Variants in PKD1L1 observed in about 807,000 individuals in gnomAD.
PKD1L1 encodes polycystin-1-like protein 1.
In PKD1L1, 236 loss-of-function variants were observed where a neutral mutation model predicts 323.4. That is an observed-to-expected ratio of 0.73 (90% CI 0.66 to 0.81). The LOEUF (loss-of-function observed/expected upper bound fraction) is 0.81. Among genes scored for constraint, PKD1L1 ranks in the 40% least tolerant of loss-of-function variants. The pLI is 0.00. For synonymous variants in PKD1L1, 1,344 were observed against 1,335.0 expected (o/e 1.01, Z -0.15); for missense variants, 3,320 against 3,508.0 (o/e 0.95, Z 1.35).
chr7:47,890,684 C>T lies in PKD1L1; in HGVS notation c.2533G>A (p.Ala845Thr), dbSNP rs779928757. ...DSSTAHQLDA[A>T]APTVSFEAQW... is the part of the protein sequence containing the mutation. ...GCCTCAAAGGAAACAGTGGGAGCCG[C>T]GGCATCCAGTTGGTGTGCAGTGGAG... The change falls in exon 16 of 57, where the codon GCG becomes ACG. Residue 845 changes from alanine to threonine, a missense_variant. Ala to Thr is a moderately conservative substitution (Grantham distance 58). Transcript: ENST00000289672. The T allele has an allele frequency of 8.7e-6, 14 of 1,613,812 alleles. No individual in the cohort carries two copies. The highest frequency in any genetic ancestry group is 3.3e-5 in the South Asian group (3 of 91,066).
chr7:47,815,548 C>T (rs995439710), intron 46 of PKD1L1, 91 bp from the exon 47 acceptor site: 16 of 1,440,666 alleles, frequency 1.1e-5, no homozygotes, highest in Non-Finnish European at 1.4e-5. Context: ...GCCAATTTTT[C>T]TCTCATTCAG....
At chr7:47,890,021 C>T (rs1017739829) in intron 16 of PKD1L1, among the ~76,000 whole-genome samples, 4 of 152,238 alleles carry the variant, frequency 2.6e-5, no homozygotes, top group South Asian at 2.1e-4. Flanking sequence ...CACCCACTGG[C>T]GCTGTTCTGG....
At chr7:47,815,523 A>G (rs1405072124) in intron 46 of PKD1L1, 66 bp from the exon 47 acceptor site, 5 of 1,547,092 alleles carry the variant, frequency 3.2e-6, no homozygotes, top group Non-Finnish European at 4.4e-6. Flanking sequence ...CGTGAGAACA[A>G]AAGCATGTTT....
chr7:47,790,055 A>AT (rs1452176306), intron 56 of PKD1L1, among the ~76,000 whole-genome samples: 1 of 151,476 alleles, frequency 6.6e-6, no homozygotes, highest in Admixed American at 6.6e-5. Flanking sequence ...CGCCCAGCTA[A>AT]TTTTTTTGTA....
At chr7:47,814,074 C>G in intron 47 of PKD1L1, 60 bp from the exon 48 acceptor site, 1 of 1,428,456 alleles carries the variant, frequency 7.0e-7, no homozygotes, top group African/African-American at 1.4e-5. Context: ...ACCTCCTCAT[C>G]AAGCGTGCTC....
chr7:47,890,537 G>C lies in PKD1L1; in HGVS notation c.2675+5C>G. On this transcript the variant is annotated splice_donor_5th_base_variant and intron_variant, in intron 16 of 56. Transcript: ENST00000289672. ...CTGAGCTGTGCTGAATACAGGGTCAGGTACCTGAACGCCGAGTCAGGGTAG... is the reference window on the plus strand; with the variant it reads ...CTGAGCTGTGCTGAATACAGGGTCACGTACCTGAACGCCGAGTCAGGGTAG... The C allele has an allele frequency of 6.2e-7, 1 of 1,613,634 alleles. No individual in the cohort carries two copies. Among genetic ancestry groups the C allele is most frequent in the Non-Finnish European group, 8.5e-7 (1 of 1,179,724 alleles).
intron 18 of PKD1L1, among the ~76,000 whole-genome samples, 174 bp downstream of exon 18, chr7:47,885,512 C>T (rs1031725312): frequency 5.3e-5 from 8 of 152,162 alleles, no homozygotes; most frequent in African/African-American, 1.9e-4. Flanking sequence ...GATGAGGAAT[C>T]CGAAACTCGA....
chr7:47,883,541 T>C (rs1786612016), intron 19 of PKD1L1, among the ~76,000 whole-genome samples: 1 of 152,234 alleles, frequency 6.6e-6, no homozygotes, highest in Non-Finnish European at 1.5e-5. Flanking sequence ...CTTCCCCATG[T>C]GGCCTTGTGT....
chr7:47,956,511 C>T, the PKD1L1 span, among the ~76,000 whole-genome samples: 3 of 152,306 alleles, frequency 2.0e-5, no homozygotes, highest in Non-Finnish European at 4.4e-5. Flanking sequence ...GTAGCGTTCA[C>T]GGGCTTAAAG....
chr7:47,839,418 C>T lies in PKD1L1; in HGVS notation c.5769+28G>A, dbSNP rs140443773. The T allele has an allele frequency of 1.1e-3, 1,706 of 1,573,570 alleles. 19 individuals carry two copies. In the African/African-American group the frequency reaches 0.021, roughly 19 times the overall value. On this transcript the variant is annotated intron_variant, in intron 36 of 56. Transcript: ENST00000289672. This position sits in a 1 kb window ranked among gnomAD's most constrained non-coding sequence, Gnocchi z 4.3. ...TGCTCTGCCGGTCAGCCAGGTGCGCCACGAGAGGCCACCTGGAGGGAGCCT... is the reference window on the plus strand; with the variant it reads ...TGCTCTGCCGGTCAGCCAGGTGCGCTACGAGAGGCCACCTGGAGGGAGCCT...
At chr7:47,864,730 C>T (rs780337260) in intron 26 of PKD1L1, among the ~76,000 whole-genome samples, 392 of 115,096 alleles carry the variant, frequency 3.4e-3, no homozygotes, top group Admixed American at 8.2e-3. Context: ...CCTTTCCTTT[C>T]GTTTTTTTGA....
intron 54 of PKD1L1, among the ~76,000 whole-genome samples, chr7:47,799,006 A>G (rs1389635958): frequency 1.3e-5 from 2 of 152,256 alleles, no homozygotes; most frequent in African/African-American, 4.8e-5. Context: ...TAAAAACTGT[A>G]TTCAAAATAT....
intron 34 of PKD1L1, 86 bp downstream of exon 34, chr7:47,842,876 C>T (rs781170435): frequency 4.4e-5 from 56 of 1,282,574 alleles, no homozygotes; most frequent in Middle Eastern, 2.8e-4. Context: ...AGGTGACAGA[C>T]GGGGCAGCCA....
chr7:47,914,501 G>T (rs1322370694), intron 8 of PKD1L1, among the ~76,000 whole-genome samples: 1 of 152,172 alleles, frequency 6.6e-6, no homozygotes, highest in African/African-American at 2.4e-5. Flanking sequence ...CATAGGCAAG[G>T]CAGGGCAGAA....
In PKD1L1 at chr7:47,857,767, G is replaced by C; in HGVS notation, c.4428C>G (p.Asn1476Lys). The C allele has an allele frequency of 6.2e-7, 1 of 1,614,136 alleles. No individual in the cohort carries two copies. Among genetic ancestry groups the C allele is most frequent in the South Asian group, 1.1e-5 (1 of 91,078 alleles). ...CCAGGCTCTGGACAGAGCTCTGAAG[G>C]TTGTAATGAAGAAGGGTCCGGAACT... ...QMEFRTLLHY[N>K]LQSSVQSLGS... The change falls in exon 28 of 57, where the codon AAC becomes AAG. Residue 1476 changes from asparagine to lysine, a missense_variant. Asn to Lys is a moderately conservative substitution (Grantham distance 94, BLOSUM62 0). Coordinates refer to ENST00000289672, the MANE Select transcript of PKD1L1 (RefSeq NM_138295.5).
intron 49 of PKD1L1, among the ~76,000 whole-genome samples, chr7:47,812,288 C>T (rs1282867697): frequency 1.3e-5 from 2 of 151,946 alleles, no homozygotes; most frequent in Non-Finnish European, 2.9e-5. Context: ...CCCAGGGGAC[C>T]CTCAGGCAGG....
chr7:47,775,344 A>G (rs1240891830), intron 56 of PKD1L1, among the ~76,000 whole-genome samples, 178 bp from the exon 57 acceptor site: 1 of 152,256 alleles, frequency 6.6e-6, no homozygotes, highest in African/African-American at 2.4e-5. Flanking sequence ...AAATATTTTA[A>G]AGTTCAAATG....
chr7:47,861,491 T>A (rs1786021044), intron 26 of PKD1L1, among the ~76,000 whole-genome samples: 1 of 152,110 alleles, frequency 6.6e-6, no homozygotes, highest in African/African-American at 2.4e-5. Context: ...ATAAGGGGCA[T>A]CCCGAATGCC....
At chr7:47,883,670 T>G (rs566869188) in intron 19 of PKD1L1, among the ~76,000 whole-genome samples, 1 of 152,080 alleles carries the variant, frequency 6.6e-6, no homozygotes, top group South Asian at 2.1e-4. Flanking sequence ...GGAAGGAACA[T>G]GGGAAGGGCT....
Sources: allele counts gnomAD v4.1 joint callset (sites outside exome capture counted in the v4.1 genomes callset), GRCh38; gene constraint gnomAD v4.1.1; non-coding constraint Gnocchi (gnomAD v3.1); transcripts MANE v1.5; gene names NCBI Gene and HGNC (gene_info 2026-07-23, HGNC 2026-07-21).